Variants in GRID2 observed in about 807,000 individuals in gnomAD.
GRID2 encodes the protein glutamate receptor ionotropic, delta-2.
GRID2 carries 33 observed loss-of-function variants against 114.8 expected under a neutral mutation model. The ratio of observed to expected loss-of-function variants is 0.29; its 90% confidence interval spans 0.22 to 0.38. The LOEUF (loss-of-function observed/expected upper bound fraction) is 0.38. Ranked by LOEUF, GRID2 falls within the 10% of genes least tolerant of loss-of-function variation. GRID2 has a pLI of 1.00. For missense variants in GRID2, 1,184 were observed against 1,257.7 expected, an observed-to-expected ratio of 0.94 and a Z score of 0.89; for synonymous variants, 505 against 449.9, an observed-to-expected ratio of 1.12 and a Z score of -1.55.
At chr4:93,616,507 C>T (rs1015332409) in intron 13 of GRID2, among the ~76,000 whole-genome samples, 6 of 148,430 alleles carry the variant, frequency 4.0e-5, no homozygotes, top group African/African-American at 1.5e-4. Flanking sequence ...AGACGAGCTA[C>T]TGCATTACAG....
chr4:92,310,014 A>G (rs771179250), intron 1 of GRID2, among the ~76,000 whole-genome samples: 6 of 152,116 alleles, frequency 3.9e-5, no homozygotes, highest in Non-Finnish European at 7.4e-5. Context: ...AAAAAAACAC[A>G]TGGACACAAA....
At chr4:92,313,645 A>T (rs1434199303) in intron 1 of GRID2, among the ~76,000 whole-genome samples, 1 of 151,998 alleles carries the variant, frequency 6.6e-6, no homozygotes, top group African/African-American at 2.4e-5. Context: ...CCTGGGAGAC[A>T]GGAGGAAAAC....
At chr4:93,042,625 C>CTATATATATATATATATA (rs34331791) in intron 2 of GRID2, among the ~76,000 whole-genome samples, 1 of 135,974 alleles carries the variant, frequency 7.4e-6, no homozygotes, top group Non-Finnish European at 1.6e-5. Flanking sequence ...CTCTCTCTCT[C>CTATATATATATATATATA]TATATATATA....
At chr4:93,009,552 T>C (rs1287059689) in intron 2 of GRID2, among the ~76,000 whole-genome samples, 1 of 152,160 alleles carries the variant, frequency 6.6e-6, no homozygotes, top group Non-Finnish European at 1.5e-5. Context: ...TTTTCATTTT[T>C]CCTTGTGGGG....
intron 14 of GRID2, among the ~76,000 whole-genome samples, chr4:93,696,996 A>G (rs1448542633): frequency 1.3e-5 from 2 of 152,194 alleles, no homozygotes; most frequent in South Asian, 2.1e-4. Context: ...AACCCACTCT[A>G]TGTTATTTTC....
At chr4:92,780,937 T>C (rs531422917) in intron 2 of GRID2, among the ~76,000 whole-genome samples, 5 of 152,266 alleles carry the variant, frequency 3.3e-5, no homozygotes, top group Non-Finnish European at 7.4e-5. Flanking sequence ...TTTGATCGTT[T>C]TCTTTTGTTT....
chr4:92,867,517 A>G (rs1282380379), intron 2 of GRID2, among the ~76,000 whole-genome samples: 3 of 152,192 alleles, frequency 2.0e-5, no homozygotes, highest in African/African-American at 7.2e-5. Context: ...CAGTCAGTCA[A>G]AAATGGTAAT....
intron 2 of GRID2, among the ~76,000 whole-genome samples, chr4:93,045,430 A>T (rs562217736): frequency 5.3e-5 from 8 of 152,176 alleles, no homozygotes; most frequent in African/African-American, 1.9e-4. Context: ...CTATGTATGT[A>T]TTAATTTATT....
chr4:92,701,316 C>T (rs571778204), intron 2 of GRID2, among the ~76,000 whole-genome samples: 2 of 152,284 alleles, frequency 1.3e-5, no homozygotes, highest in East Asian at 3.9e-4. Context: ...AGCACTTTCA[C>T]TCCAAAGTTT....
intron 2 of GRID2, among the ~76,000 whole-genome samples, chr4:92,621,718 T>A (rs1730285449): frequency 6.6e-6 from 1 of 151,720 alleles, no homozygotes; most frequent in Non-Finnish European, 1.5e-5. Flanking sequence ...TGGAGAGAAT[T>A]TTCATTATGG....
intron 2 of GRID2, among the ~76,000 whole-genome samples, chr4:92,912,492 GA>G (rs34299135): frequency 0.36 from 54,209 of 150,992 alleles, 10,037 homozygotes; most frequent in Admixed American, 0.49. Flanking sequence ...GATATGTACA[GA>G]AAAAAAATGT....
At chr4:93,110,127 G>GC (rs1732628242) in intron 3 of GRID2, among the ~76,000 whole-genome samples, 1 of 152,024 alleles carries the variant, frequency 6.6e-6, no homozygotes, top group African/African-American at 2.4e-5. Context: ...CCTTACTAAG[G>GC]CAAACTTGGT....
chr4:92,872,643 C>T (rs1303672186), intron 2 of GRID2, among the ~76,000 whole-genome samples: 10 of 152,074 alleles, frequency 6.6e-5, no homozygotes, highest in Admixed American at 6.5e-4. Context: ...AGCCAAGAGG[C>T]TTAAGGAAGA....
At chr4:92,932,505 A>G (rs1005296197) in intron 2 of GRID2, among the ~76,000 whole-genome samples, 1 of 151,344 alleles carries the variant, frequency 6.6e-6, no homozygotes, top group African/African-American at 2.4e-5. Context: ...CAACAATTTT[A>G]GAGAAGTGTA....
chr4:93,257,077 A>T (rs1486179197), intron 8 of GRID2, among the ~76,000 whole-genome samples: 1 of 151,924 alleles, frequency 6.6e-6, no homozygotes. Context: ...TAACAACTTA[A>T]CGTTTAAGTC....
chr4:93,477,482 C>G (rs1452205404), intron 11 of GRID2, among the ~76,000 whole-genome samples: 1 of 152,060 alleles, frequency 6.6e-6, no homozygotes, highest in Non-Finnish European at 1.5e-5. Flanking sequence ...CAAATACTAC[C>G]AAGCCTTTCG....
chr4:93,146,455 T>G (rs753455787), intron 4 of GRID2, among the ~76,000 whole-genome samples: 4 of 152,160 alleles, frequency 2.6e-5, no homozygotes, highest in Non-Finnish European at 4.4e-5. Context: ...TGGAAATTCT[T>G]TGAGGAATGA....
At chr4:93,621,252 C>T (rs1255702142) in intron 13 of GRID2, among the ~76,000 whole-genome samples, 1 of 152,134 alleles carries the variant, frequency 6.6e-6, no homozygotes, top group East Asian at 1.9e-4. Flanking sequence ...GGCACTATTA[C>T]GAGGACACAG....
At chr4:93,444,546 T>G (rs1212181041) in intron 10 of GRID2, among the ~76,000 whole-genome samples, 2 of 151,930 alleles carry the variant, frequency 1.3e-5, no homozygotes, top group African/African-American at 4.8e-5. Flanking sequence ...ATGAATATAC[T>G]CAAATTGCAA....
Sources: allele counts gnomAD v4.1 joint callset (sites outside exome capture counted in the v4.1 genomes callset), GRCh38; gene constraint gnomAD v4.1.1; transcripts MANE v1.5; gene names NCBI Gene and HGNC (gene_info 2026-07-23, HGNC 2026-07-21).